CDH13: variants seen among roughly 807,000 people sequenced by gnomAD.
CDH13 encodes cadherin-13.
Under a neutral mutation model 63.8 loss-of-function variants are expected in CDH13, and 24 were observed. That is an observed-to-expected ratio of 0.38 (90% confidence interval 0.27 to 0.53). The LOEUF (loss-of-function observed/expected upper bound fraction) is 0.53, where lower values mean the gene tolerates loss of function less well. Among genes scored for constraint, CDH13 ranks in the 20% least tolerant of loss-of-function variants. CDH13 has a pLI of 0.85. For synonymous variants in CDH13, 503 were observed against 355.3 expected (o/e 1.42, Z -4.67); for missense variants, 1,049 against 903.1 (o/e 1.16, Z -2.07).
intron 1 of CDH13, among the ~76,000 whole-genome samples, chr16:82,821,593 T>C (rs1217270745): frequency 6.6e-6 from 1 of 152,220 alleles, no homozygotes; most frequent in Non-Finnish European, 1.5e-5. Flanking sequence ...TGGAGCTTGC[T>C]GACTACAAGG....
chr16:83,037,841 T>A (rs1465727375), intron 3 of CDH13, among the ~76,000 whole-genome samples: 1 of 152,168 alleles, frequency 6.6e-6, no homozygotes. Flanking sequence ...AATATCCTCA[T>A]CTATCAAATA....
intron 1 of CDH13, among the ~76,000 whole-genome samples, chr16:82,695,621 C>A (rs748935872): frequency 6.6e-6 from 1 of 152,106 alleles, no homozygotes; most frequent in African/African-American, 2.4e-5. Context: ...CTCAAGCTTC[C>A]TATCAGTTTT....
intron 5 of CDH13, among the ~76,000 whole-genome samples, chr16:83,331,116 C>G (rs1408535212): frequency 1.3e-5 from 2 of 152,190 alleles, no homozygotes; most frequent in East Asian, 1.9e-4. Context: ...AACAATCACA[C>G]AGCTGATAAG....
At chr16:83,111,912 G>T (rs1204164416) in intron 3 of CDH13, among the ~76,000 whole-genome samples, 1 of 152,136 alleles carries the variant, frequency 6.6e-6, no homozygotes, top group African/African-American at 2.4e-5. Flanking sequence ...TCTCATGCAT[G>T]TTAAATACAT....
At chr16:82,868,235 C>T (rs1183215867) in intron 2 of CDH13, among the ~76,000 whole-genome samples, 3 of 152,154 alleles carry the variant, frequency 2.0e-5, no homozygotes, top group East Asian at 3.9e-4. Context: ...GACGATACAT[C>T]GGGTCAGAAT....
intron 1 of CDH13, among the ~76,000 whole-genome samples, chr16:82,781,557 C>T (rs1445697324): frequency 6.6e-6 from 1 of 152,068 alleles, no homozygotes; most frequent in Admixed American, 6.6e-5. Flanking sequence ...ATTTATCTAT[C>T]ATCCATCCAT....
At chr16:83,360,081 C>T (rs2091133689) in intron 6 of CDH13, among the ~76,000 whole-genome samples, 2 of 152,226 alleles carry the variant, frequency 1.3e-5, no homozygotes, top group African/African-American at 4.8e-5. Context: ...GTTCAGGTTT[C>T]ATCCATGTTC....
intron 2 of CDH13, chr16:82,954,725 C>T (rs1271349549): frequency 6.8e-6 from 1 of 147,914 alleles, no homozygotes; most frequent in East Asian, 2.1e-4. Context: ...CCACAATGAA[C>T]TTTAGAATAT....
Position 83,798,860 on chromosome 16 carries a change from C to T in CDH13, c.*3830C>T, listed in dbSNP as rs1201441052. 9.5e-6 allele frequency: 1 copy of T among 105,370 alleles called. No individual in the cohort carries two copies. The allele number at this position is 105,370 out of a possible 1,614,324, so 6.5% of individuals were successfully genotyped here. On this transcript the variant is annotated 3_prime_UTR_variant, in exon 14 of 14. Coordinates refer to ENST00000567109, the MANE Select transcript of CDH13 (RefSeq NM_001257.5). ...ATGCTATACTTCTTCAATCTGAAAG[C>T]TTTCTGTTAAAAAAAAAAATGTTAA...
At chr16:83,554,939 T>TA (rs1322812938) in intron 7 of CDH13, among the ~76,000 whole-genome samples, 9 of 141,596 alleles carry the variant, frequency 6.4e-5, no homozygotes, top group African/African-American at 2.3e-4. Context: ...TTTTTTTTTT[T>TA]AGAGAACCTC....
At chr16:83,748,648 G>A (rs1329391000) in intron 11 of CDH13, among the ~76,000 whole-genome samples, 1 of 152,184 alleles carries the variant, frequency 6.6e-6, no homozygotes, top group Non-Finnish European at 1.5e-5. Flanking sequence ...AATTGTTCTT[G>A]TAGCTTTTAT....
At chr16:83,317,869 A>G (rs1488712091) in intron 5 of CDH13, among the ~76,000 whole-genome samples, 1 of 151,866 alleles carries the variant, frequency 6.6e-6, no homozygotes, top group Non-Finnish European at 1.5e-5. Flanking sequence ...GAAACTGAGG[A>G]TCACAAATAC....
chr16:83,676,808 C>T (rs188197802), intron 9 of CDH13, among the ~76,000 whole-genome samples: 9 of 152,312 alleles, frequency 5.9e-5, no homozygotes, highest in African/African-American at 1.2e-4. Context: ...ACATGTCAGC[C>T]GTAATTATTA....
At chr16:83,618,480 T>C (rs1410049586) in intron 8 of CDH13, among the ~76,000 whole-genome samples, 2 of 151,842 alleles carry the variant, frequency 1.3e-5, no homozygotes, top group Non-Finnish European at 2.9e-5. Context: ...TACATAGTTT[T>C]ATAGATGAGG....
chr16:83,400,229 G>T (rs376609605), intron 6 of CDH13, among the ~76,000 whole-genome samples: 2 of 152,026 alleles, frequency 1.3e-5, no homozygotes, highest in South Asian at 2.1e-4. Context: ...TAAAGAAATC[G>T]ATCCAGAAAT....
At chr16:83,715,009 T>G (rs920991870) in intron 10 of CDH13, among the ~76,000 whole-genome samples, 1 of 152,170 alleles carries the variant, frequency 6.6e-6, no homozygotes, top group Non-Finnish European at 1.5e-5. Flanking sequence ...GCAAGGACTT[T>G]CCAGCTAGGA....
intron 1 of CDH13, among the ~76,000 whole-genome samples, chr16:82,691,817 C>G (rs1915674239): frequency 3.3e-5 from 5 of 152,068 alleles, no homozygotes; most frequent in Admixed American, 3.3e-4. Context: ...AAATTGGGAT[C>G]TCGATGATGC....
intron 6 of CDH13, among the ~76,000 whole-genome samples, chr16:83,416,362 A>AT (rs1166353935): frequency 6.6e-6 from 1 of 152,162 alleles, no homozygotes; most frequent in African/African-American, 2.4e-5. Flanking sequence ...TTTCAGTGGC[A>AT]TTTTTTACAG....
chr16:83,078,594 C>G (rs1433759906), intron 3 of CDH13, among the ~76,000 whole-genome samples: 1 of 152,194 alleles, frequency 6.6e-6, no homozygotes, highest in East Asian at 1.9e-4. Context: ...GGCCACAGAC[C>G]AGTACCGGTC....
Sources: gnomAD v4.1 joint callset for allele counts (sites outside exome capture counted in the v4.1 genomes callset) on GRCh38, gnomAD v4.1.1 for gene constraint, MANE v1.5 for transcripts, NCBI Gene and HGNC (gene_info 2026-07-23, HGNC 2026-07-21) for gene names.